ITFG1: variants seen among roughly 807,000 people sequenced by gnomAD.
The protein encoded by ITFG1 is T-cell immunomodulatory protein.
A neutral mutation model predicts 81.8 loss-of-function variants in ITFG1; 34 were observed. The ratio of observed to expected loss-of-function variants is 0.42; its 90% confidence interval spans 0.32 to 0.55. The LOEUF (loss-of-function observed/expected upper bound fraction) is 0.55, where lower values mean the gene tolerates loss of function less well. ITFG1 is among the 20% of genes least tolerant of loss of function. ITFG1 has a pLI of 0.17. For synonymous variants in ITFG1, 285 were observed against 270.6 expected, an observed-to-expected ratio of 1.05 and a Z score of -0.52; for missense variants, 672 against 755.4, an observed-to-expected ratio of 0.89 and a Z score of 1.29.
intron 8 of ITFG1, among the ~76,000 whole-genome samples, chr16:47,319,550 T>C (rs1347987914): frequency 6.6e-6 from 1 of 152,220 alleles, no homozygotes; most frequent in Non-Finnish European, 1.5e-5. Flanking sequence ...GTTTTACGCA[T>C]ATTTTCCAAC....
intron 17 of ITFG1, among the ~76,000 whole-genome samples, chr16:47,156,514 T>A (rs968878875): frequency 6.6e-6 from 1 of 152,222 alleles, no homozygotes; most frequent in African/African-American, 2.4e-5. Flanking sequence ...ACCAATACTG[T>A]GTTTGCTATT....
intron 14 of ITFG1, among the ~76,000 whole-genome samples, chr16:47,173,307 TC>T (rs1367349627): frequency 1.3e-5 from 2 of 152,170 alleles, no homozygotes; most frequent in South Asian, 4.1e-4. Flanking sequence ...TTGTCTGTCT[TC>T]CCCCACTAGA....
intron 10 of ITFG1, among the ~76,000 whole-genome samples, chr16:47,308,028 TA>T: frequency 6.6e-6 from 1 of 152,226 alleles, no homozygotes; most frequent in Non-Finnish European, 1.5e-5. Flanking sequence ...TACCATATTT[TA>T]AAAAATCCAA....
intron 8 of ITFG1, among the ~76,000 whole-genome samples, chr16:47,333,257 T>TTGA (rs1967659118): frequency 6.6e-6 from 1 of 152,162 alleles, no homozygotes; most frequent in African/African-American, 2.4e-5. Flanking sequence ...GATGAGGACA[T>TTGA]TGATGCTTGG....
In ITFG1 at chr16:47,243,110, CAT is replaced by C. The variant is rs141893711; in HGVS notation, c.1331-5104_1331-5103del. 6.7e-3 allele frequency among the ~76,000 whole-genome samples: 1,024 copies of C among 152,150 alleles called. 13 individuals are homozygous for C. The highest frequency in any genetic ancestry group is 0.023 in the African/African-American group (955 of 41,512). On this transcript the variant is annotated intron_variant, in intron 12 of 17. Transcript: ENST00000320640. ...ATTCATAATAAGAGATTGAAAACCA[CAT>C]GATATATGTGAATAAGGAACTCATT...
chr16:47,179,617 C>T (rs973712887), intron 14 of ITFG1, among the ~76,000 whole-genome samples: 2 of 150,800 alleles, frequency 1.3e-5, no homozygotes, highest in Admixed American at 1.3e-4. Flanking sequence ...GTAAAATATA[C>T]CTTCATAAAG....
At chr16:47,353,979 A>G (rs377123606) in intron 8 of ITFG1, among the ~76,000 whole-genome samples, 21 of 152,144 alleles carry the variant, frequency 1.4e-4, no homozygotes, top group Admixed American at 1.3e-3. Flanking sequence ...ACACTACCCA[A>G]AGCAATCTAC....
intron 7 of ITFG1, among the ~76,000 whole-genome samples, chr16:47,369,666 C>T (rs1968224042): frequency 6.6e-6 from 1 of 151,790 alleles, no homozygotes; most frequent in Non-Finnish European, 1.5e-5. Flanking sequence ...AACAATACTA[C>T]TTTTTTTTAT....
At chr16:47,442,211 C>T (rs926094583) in intron 5 of ITFG1, among the ~76,000 whole-genome samples, 6 of 152,144 alleles carry the variant, frequency 3.9e-5, no homozygotes, top group Admixed American at 2.0e-4. Context: ...ACATTCCATG[C>T]GCATGGGTAG....
intron 10 of ITFG1, among the ~76,000 whole-genome samples, chr16:47,301,342 T>G (rs930842514): frequency 3.3e-5 from 5 of 152,104 alleles, no homozygotes; most frequent in African/African-American, 1.2e-4. Context: ...TGATTTACAG[T>G]AAACATGAAT....
intron 5 of ITFG1, among the ~76,000 whole-genome samples, chr16:47,438,303 T>G (rs1403640951): frequency 6.6e-6 from 1 of 152,178 alleles, no homozygotes; most frequent in Non-Finnish European, 1.5e-5. Flanking sequence ...CTCTGCAGAC[T>G]TAAATATCTC....
intron 7 of ITFG1, among the ~76,000 whole-genome samples, chr16:47,370,850 G>A (rs1968244435): frequency 6.6e-6 from 1 of 152,206 alleles, no homozygotes; most frequent in African/African-American, 2.4e-5. Flanking sequence ...CAGCGGTGGA[G>A]GTCTCTAGCT....
chr16:47,244,877 C>T (rs886598089), intron 12 of ITFG1, among the ~76,000 whole-genome samples: 1 of 151,980 alleles, frequency 6.6e-6, no homozygotes, highest in Non-Finnish European at 1.5e-5. Context: ...GAGATGGCAG[C>T]CACCTAGAAA....
chr16:47,205,114 G>A (rs1431982925), intron 14 of ITFG1, among the ~76,000 whole-genome samples: 2 of 152,318 alleles, frequency 1.3e-5, no homozygotes, highest in East Asian at 1.9e-4. Flanking sequence ...GTAGAAGTTT[G>A]GAATCATAGC....
At chr16:47,415,591 A>G (rs1434231059) in intron 6 of ITFG1, among the ~76,000 whole-genome samples, 2 of 152,174 alleles carry the variant, frequency 1.3e-5, no homozygotes, top group Non-Finnish European at 2.9e-5. Flanking sequence ...AAAAACAGAA[A>G]TGGTTTTCAC....
chr16:47,398,084 C>T (rs1968614500), intron 6 of ITFG1, among the ~76,000 whole-genome samples: 1 of 152,204 alleles, frequency 6.6e-6, no homozygotes, highest in Non-Finnish European at 1.5e-5. Context: ...TGAGACACAT[C>T]ATGTCCCACA....
intron 14 of ITFG1, among the ~76,000 whole-genome samples, chr16:47,204,360 TG>T (rs891572162): frequency 1.3e-5 from 2 of 152,212 alleles, no homozygotes; most frequent in Admixed American, 6.5e-5. Context: ...CTTCCCTCAG[TG>T]ACTCCAACAG....
intron 6 of ITFG1, among the ~76,000 whole-genome samples, chr16:47,423,654 CT>C (rs943782958): frequency 1.2e-4 from 18 of 152,220 alleles, no homozygotes; most frequent in Middle Eastern, 3.4e-3. Flanking sequence ...TCAGCATTTG[CT>C]TGTCTGTAAA....
intron 14 of ITFG1, among the ~76,000 whole-genome samples, chr16:47,180,139 C>T (rs995673950): frequency 1.3e-5 from 2 of 152,122 alleles, no homozygotes; most frequent in African/African-American, 2.4e-5. Flanking sequence ...ACAGTAGGCA[C>T]TTAGTAGATG....
Sources: allele counts gnomAD v4.1 joint callset (sites outside exome capture counted in the v4.1 genomes callset), GRCh38; gene constraint gnomAD v4.1.1; transcripts MANE v1.5; gene names NCBI Gene and HGNC (gene_info 2026-07-23, HGNC 2026-07-21).